The following CTSO variants were observed in gnomAD, a reference collection of about 807,000 sequenced individuals.
CTSO encodes cathepsin O.
Under a neutral mutation model 42.4 loss-of-function variants are expected in CTSO, and 40 were observed. The ratio of observed to expected loss-of-function variants is 0.94; its 90% confidence interval spans 0.73 to 1.23. The LOEUF is 1.23. Among genes scored for constraint, CTSO ranks in the 50% most tolerant of loss-of-function variants. The probability of loss-of-function intolerance (pLI) is 0.00; values close to 1 mark genes in which losing one functional copy is unlikely to be tolerated. For synonymous variants in CTSO, 156 were observed against 146.2 expected, an observed-to-expected ratio of 1.07 and a Z score of -0.48; for missense variants, 441 against 396.0, an observed-to-expected ratio of 1.11 and a Z score of -0.96.
intron 7 of CTSO, among the ~76,000 whole-genome samples, chr4:155,927,008 C>T (rs143982181): frequency 1.8e-3 from 276 of 152,224 alleles, no homozygotes; most frequent in African/African-American, 6.3e-3. Context: ...CTGCAAGTTC[C>T]AAAGATGTAC....
At chr4:155,946,310 T>A (rs1283111835) in intron 1 of CTSO, among the ~76,000 whole-genome samples, 1 of 152,208 alleles carries the variant, frequency 6.6e-6, no homozygotes, top group Non-Finnish European at 1.5e-5. Context: ...CATTTCACCA[T>A]CCAAAGTTTA....
At chr4:155,951,302 T>A (rs1472456877) in intron 1 of CTSO, among the ~76,000 whole-genome samples, 1 of 152,052 alleles carries the variant, frequency 6.6e-6, no homozygotes, top group African/African-American at 2.4e-5. Flanking sequence ...TGTGGTAAAA[T>A]AATGAGCATC....
chr4:155,947,247 A>C (rs1479007255), intron 1 of CTSO, among the ~76,000 whole-genome samples: 1 of 152,200 alleles, frequency 6.6e-6, no homozygotes, highest in Non-Finnish European at 1.5e-5. Flanking sequence ...CTTTATTTCC[A>C]TCAACAAATG....
At chr4:155,952,719 G>A (rs951668545) in intron 1 of CTSO, among the ~76,000 whole-genome samples, 4 of 152,216 alleles carry the variant, frequency 2.6e-5, no homozygotes, top group Non-Finnish European at 4.4e-5. Context: ...GAGCTTTCCA[G>A]GAGAGTCGGG....
chr4:155,929,605 G>T lies in CTSO; in HGVS notation c.775C>A (p.Gln259Lys). 1 of 1,613,958 alleles carries T rather than the reference G, an allele frequency of 6.2e-7. No individual in the cohort carries two copies. Among genetic ancestry groups the T allele is most frequent in the Non-Finnish European group, 8.5e-7 (1 of 1,179,980 alleles). ...GCTTCTCCACTAGAGCAGTGATGCT[G>T]TATAATGCCTCCCAGATAATCTTGC... ...SWQDYLGGII[Q>K]HHCSSGEANH... Residue 259 changes from glutamine (Q) to lysine (K), a missense_variant, in exon 6 of 8, where the codon CAG becomes AAG. Physicochemically the swap from Gln to Lys is moderately conservative, Grantham distance 53. Transcript: ENST00000433477.
intron 1 of CTSO, among the ~76,000 whole-genome samples, chr4:155,946,947 C>T (rs1743558477): frequency 6.6e-6 from 1 of 152,216 alleles, no homozygotes; most frequent in Non-Finnish European, 1.5e-5. Flanking sequence ...GCTCCGCCTC[C>T]CGGGTTCACC....
rs368088481 is a variant in CTSO, at chr4:155,941,912, A to G, written c.384+405T>C. On this transcript the variant is annotated intron_variant, in intron 3 of 7. Coordinates refer to ENST00000433477, the MANE Select transcript of CTSO (RefSeq NM_001334.3). Reference sequence around the variant, plus strand: ...GTATCCATTTTCATTTTACTTTTTCACTTTTTTTTTCTTGAACCATTTAAG... The same window carrying G: ...GTATCCATTTTCATTTTACTTTTTCGCTTTTTTTTTCTTGAACCATTTAAG... 3.1e-3 allele frequency among the ~76,000 whole-genome samples: 477 copies of G among 151,580 alleles called. 3 individuals carry two copies. The highest frequency in any genetic ancestry group is 0.011 in the African/African-American group (455 of 41,300).
At chr4:155,939,170 C>T (rs1293292188) in intron 4 of CTSO, among the ~76,000 whole-genome samples, 1 of 152,004 alleles carries the variant, frequency 6.6e-6, no homozygotes, top group Non-Finnish European at 1.5e-5. Context: ...GATTTTTCCC[C>T]TTTTGATTTC....
intron 1 of CTSO, among the ~76,000 whole-genome samples, chr4:155,946,582 A>T (rs1436250484): frequency 6.6e-6 from 1 of 152,112 alleles, no homozygotes; most frequent in African/African-American, 2.4e-5. Context: ...GCTGTCTTCC[A>T]CTTGTTCAAC....
intron 1 of CTSO, among the ~76,000 whole-genome samples, chr4:155,945,977 C>T (rs1743538746): frequency 6.6e-6 from 1 of 152,018 alleles, no homozygotes; most frequent in Admixed American, 6.6e-5. Context: ...GACTGGTACG[C>T]CCTTTCAAGA....
intron 5 of CTSO, 112 bp from the exon 6 acceptor site, chr4:155,929,817 A>T: frequency 1.0e-6 from 1 of 989,528 alleles, no homozygotes; most frequent in Non-Finnish European, 1.4e-6. Context: ...GTTACAAAGG[A>T]CCTAAACAAT....
intron 5 of CTSO, among the ~76,000 whole-genome samples, chr4:155,931,883 A>T (rs1743240940): frequency 6.6e-6 from 1 of 151,530 alleles, no homozygotes. Context: ...TAATAATAAT[A>T]GTTCAAATAA....
In CTSO at chr4:155,928,364, G is replaced by C. The variant is rs1743167400; in HGVS notation, c.903C>G (p.Ala301=). 1 of 1,612,526 alleles carries C rather than the reference G, an allele frequency of 6.2e-7. No homozygotes were observed. The highest frequency in any genetic ancestry group is 8.5e-7 in the Non-Finnish European group (1 of 1,179,246). ...WGSSWGVDGY[A]HVKMGSNVCG... is the part of the protein sequence containing the mutation. ...AAACATTACTTCCCATTTTGACATG[G>C]GCATAACCATCTACTCCCCAAGAAC... Residue 301 remains alanine (A), a synonymous_variant, in exon 7 of 8, where the codon GCC becomes GCG. Coordinates refer to ENST00000433477, the MANE Select transcript of CTSO (RefSeq NM_001334.3).
intron 1 of CTSO, among the ~76,000 whole-genome samples, chr4:155,950,189 T>C (rs1743644823): frequency 1.3e-5 from 2 of 152,230 alleles, no homozygotes; most frequent in African/African-American, 4.8e-5. Flanking sequence ...ATACATTCTT[T>C]TGTGAACTAC....
intron 3 of CTSO, 127 bp from the exon 4 acceptor site, chr4:155,939,665 C>G: frequency 1.4e-6 from 1 of 722,616 alleles, no homozygotes; most frequent in Non-Finnish European, 2.1e-6. Context: ...AATAAATACG[C>G]CTATCCTCTA....
intron 1 of CTSO, among the ~76,000 whole-genome samples, chr4:155,951,109 A>G (rs80134313): frequency 0.014 from 2,178 of 152,220 alleles, 27 homozygotes; most frequent in South Asian, 0.024. Context: ...TATATAAATA[A>G]TCTTATAATA....
chr4:155,942,514 A>G, intron 2 of CTSO, 58 bp from the exon 3 acceptor site: 2 of 708,204 alleles, frequency 2.8e-6, no homozygotes, highest in Non-Finnish European at 3.8e-6. Context: ...ATATTATATT[A>G]TATATATCAT....
At chr4:155,928,056 G>A (rs1192440370) in intron 7 of CTSO, among the ~76,000 whole-genome samples, 1 of 151,944 alleles carries the variant, frequency 6.6e-6, no homozygotes, top group African/African-American at 2.4e-5. Context: ...TAAGCTGTGT[G>A]TTTATCTCAT....
In CTSO at chr4:155,932,930, G is replaced by A. The variant is rs75943441; in HGVS notation, c.675-3225C>T. Reference sequence around the variant, plus strand: ...TTTCAGTCATTGAGATCAAAAGGCCGGGAATCCTCCTAGACTCTCTTCTCT... The same window carrying A: ...TTTCAGTCATTGAGATCAAAAGGCCAGGAATCCTCCTAGACTCTCTTCTCT... On this transcript the variant is annotated intron_variant, in intron 5 of 7. Transcript: ENST00000433477. Among the ~76,000 whole-genome samples the A allele has an allele frequency of 1.7e-3, 259 of 152,172 alleles. 1 individual carries two copies. Among genetic ancestry groups the A allele is most frequent in the Non-Finnish European group, 2.7e-3 (187 of 68,016 alleles).
Sources: gnomAD v4.1 joint callset for allele counts (sites outside exome capture counted in the v4.1 genomes callset) on GRCh38, gnomAD v4.1.1 for gene constraint, MANE v1.5 for transcripts, NCBI Gene and HGNC (gene_info 2026-07-23, HGNC 2026-07-21) for gene names.